The following ARFGEF2 variants were observed in gnomAD, a reference collection of about 807,000 sequenced individuals.
The protein encoded by ARFGEF2 is brefeldin A-inhibited guanine nucleotide-exchange protein 2.
Under a neutral mutation model 219.9 loss-of-function variants are expected in ARFGEF2, and 74 were observed. The ratio of observed to expected loss-of-function variants is 0.34; its 90% CI spans 0.28 to 0.41. The LOEUF is 0.41. ARFGEF2 is among the 10% of genes least tolerant of loss of function. The pLI, the probability that ARFGEF2 is intolerant of heterozygous loss-of-function variation, is 1.00. For missense variants in ARFGEF2, 1,743 were observed against 2,218.3 expected (o/e 0.79, Z 4.30); for synonymous variants, 733 against 799.2 (o/e 0.92, Z 1.40).
At chr20:48,936,210 G>A (rs1415423197) in intron 1 of ARFGEF2, among the ~76,000 whole-genome samples, 5 of 125,618 alleles carry the variant, frequency 4.0e-5, no homozygotes, top group African/African-American at 1.1e-4. Flanking sequence ...GGGCAGAGGC[G>A]CCCCTCACCT....
rs6125507 is a variant in ARFGEF2 at position 48,971,774 on chromosome 20, G to A, written c.1425+420G>A. Among the ~76,000 whole-genome samples the A allele has an allele frequency of 9.1e-4, 138 of 152,134 alleles. No homozygotes were observed. In the East Asian group the frequency reaches 0.016, roughly 18 times the overall value. The stretch of plus-strand genomic sequence containing the variant: ...AAATTAGCCAGGCGTGGTGGCAGGC[G>A]CCTGTAGTCCCAGCTACTCGGGAGG... On this transcript the variant is annotated intron_variant, in intron 10 of 38. Coordinates refer to ENST00000371917, the MANE Select transcript of ARFGEF2 (RefSeq NM_006420.3).
intron 25 of ARFGEF2, among the ~76,000 whole-genome samples, chr20:48,999,605 G>A (rs34929358): frequency 0.093 from 14,186 of 152,038 alleles, 914 homozygotes; most frequent in Non-Finnish European, 0.14. Context: ...AGTTTAGCCC[G>A]GCGTGGTGGC....
In ARFGEF2 at chr20:48,987,083, G is replaced by A. The variant is rs530617459; in HGVS notation, c.2277-1221G>A. Among the ~76,000 whole-genome samples the A allele has an allele frequency of 1.2e-3, 178 of 152,246 alleles. 1 individual carries two copies. The highest frequency in any genetic ancestry group is 0.011 in the South Asian group (53 of 4,816). On this transcript the variant is annotated intron_variant, in intron 16 of 38. Coordinates refer to ENST00000371917, the MANE Select transcript of ARFGEF2 (RefSeq NM_006420.3). ...TTGCTCCCAGTCTTCCAAGTGTATG[G>A]CAGGCTGTCCCCAGGAGGTGGCAGG... is the stretch of plus-strand genomic sequence containing the variant.
At chr20:48,981,620 A>G (rs1382732357) in intron 14 of ARFGEF2, among the ~76,000 whole-genome samples, 5 of 152,328 alleles carry the variant, frequency 3.3e-5, no homozygotes, top group East Asian at 3.9e-4. Flanking sequence ...AGGCATACCA[A>G]TCAAACGTAG....
At chr20:48,950,863 C>G (rs1315929895) in intron 3 of ARFGEF2, among the ~76,000 whole-genome samples, 6 of 123,436 alleles carry the variant, frequency 4.9e-5, no homozygotes, top group African/African-American at 1.8e-4. Context: ...TATATACATG[C>G]ACACACACAC....
intron 1 of ARFGEF2, among the ~76,000 whole-genome samples, chr20:48,923,701 G>A (rs939113400): frequency 1.3e-5 from 2 of 152,162 alleles, no homozygotes; most frequent in Non-Finnish European, 2.9e-5. Flanking sequence ...ATATTGTTGT[G>A]GAGGTTTCAG....
chr20:48,989,799 T>C lies in ARFGEF2; in HGVS notation c.2814+115T>C, dbSNP rs567640384. The C allele has an allele frequency of 4.8e-6, 7 of 1,471,390 alleles. No homozygotes were observed. The African/African-American group carries it at 9.7e-5, about 20-fold the overall frequency. 91.1% of individuals were successfully genotyped at this position (1,471,390 alleles called of 1,614,324 possible). A position where few individuals can be genotyped will look rare whatever the true frequency, so the allele number is the denominator to read the frequency against. ...TTAATCAAGACTCTTAGCAAGCTAC[T>C]TACTTATGCCTACTGACAAGAAATC... is the stretch of plus-strand genomic sequence containing the variant. On this transcript the variant is annotated intron_variant, in intron 20 of 38. Coordinates refer to ENST00000371917, the MANE Select transcript of ARFGEF2 (RefSeq NM_006420.3).
intron 1 of ARFGEF2, 142 bp downstream of exon 1, chr20:48,922,152 A>G (rs2090846316): frequency 1.6e-5 from 21 of 1,319,712 alleles, no homozygotes; most frequent in South Asian, 8.9e-5. Flanking sequence ...TCCTCATTAT[A>G]CCCCCGGAGG....
chr20:49,026,317 G>A (rs1468178017), intron 36 of ARFGEF2, among the ~76,000 whole-genome samples: 1 of 151,862 alleles, frequency 6.6e-6, no homozygotes, highest in Non-Finnish European at 1.5e-5. Context: ...GTGACAGGGG[G>A]AGACCTTGTC....
chr20:48,981,694 T>C (rs1178647607), intron 14 of ARFGEF2, among the ~76,000 whole-genome samples: 1 of 152,218 alleles, frequency 6.6e-6, no homozygotes, highest in African/African-American at 2.4e-5. Flanking sequence ...TTATTCTTTT[T>C]TCTGTAAACT....
At chr20:49,032,876 A>G in intron 38 of ARFGEF2, 147 bp from the exon 39 acceptor site, 1 of 811,832 alleles carries the variant, frequency 1.2e-6, no homozygotes, top group Non-Finnish European at 2.0e-6. Context: ...TATAGGCGTG[A>G]ATCACTGCGC....
chr20:48,931,717 G>A (rs1418806326), intron 1 of ARFGEF2, among the ~76,000 whole-genome samples: 22 of 152,112 alleles, frequency 1.4e-4, no homozygotes, highest in Admixed American at 1.4e-3. Context: ...TCATGCAAAG[G>A]CCCCGGGGCA....
At chr20:49,031,615 T>C (rs2091635066) in intron 37 of ARFGEF2, among the ~76,000 whole-genome samples, 1 of 152,020 alleles carries the variant, frequency 6.6e-6, no homozygotes, top group South Asian at 2.1e-4. Flanking sequence ...GGGTGCTCAA[T>C]AGTTATTGCA....
intron 13 of ARFGEF2, among the ~76,000 whole-genome samples, chr20:48,975,081 A>G (rs1042555996): frequency 1.3e-5 from 2 of 152,246 alleles, no homozygotes; most frequent in African/African-American, 4.8e-5. Flanking sequence ...ATACAGAGCC[A>G]GTTGCTCTAG....
chr20:49,015,924 T>C (rs1266726540), intron 30 of ARFGEF2, among the ~76,000 whole-genome samples: 1 of 152,254 alleles, frequency 6.6e-6, no homozygotes, highest in Non-Finnish European at 1.5e-5. Flanking sequence ...TATTGATTTA[T>C]GCATTTTTAA....
At chr20:49,007,077 G>T (rs1047076773) in intron 26 of ARFGEF2, among the ~76,000 whole-genome samples, 4 of 152,122 alleles carry the variant, frequency 2.6e-5, no homozygotes, top group African/African-American at 9.7e-5. Flanking sequence ...TTAGGATGAG[G>T]TAGGAGGCCA....
At chr20:48,973,359 G>T in intron 12 of ARFGEF2, 75 bp downstream of exon 12, 1 of 1,479,224 alleles carries the variant, frequency 6.8e-7, no homozygotes, top group Non-Finnish European at 9.3e-7. Flanking sequence ...GCCACCACAT[G>T]CCAGGCACTG....
rs575920715 is a variant in ARFGEF2 at position 48,935,520 on chromosome 20, G to A, written c.122-5679G>A. Among the ~76,000 whole-genome samples the A allele has an allele frequency of 7.3e-4, 111 of 152,210 alleles. 1 individual carries two copies. The highest frequency in any genetic ancestry group is 2.9e-3 in the South Asian group (14 of 4,820). ...TTCTACACAGACACGGCAACCATCC[G>A]ATTTCTCAATCTTTTCCCCACCTTT... On this transcript the variant is annotated intron_variant, in intron 1 of 38. Transcript: ENST00000371917.
chr20:48,921,983 C>G lies in ARFGEF2; in HGVS notation c.94C>G (p.Leu32Val). 1 of 1,579,748 alleles carries G rather than the reference C, an allele frequency of 6.3e-7. No individual in the cohort carries two copies. Among genetic ancestry groups the G allele is most frequent in the Non-Finnish European group, 8.6e-7 (1 of 1,163,158 alleles). ...KEVKRPQHSQ[L>V]RRACQVALDE... is the part of the protein sequence containing the mutation. ...GGTGAAGCGGCCCCAGCACTCCCAG[C>G]TGCGCAGGGCCTGCCAGGTGGCGCT... The change falls in exon 1 of 39, where the codon CTG becomes GTG. Residue 32 changes from leucine (L) to valine (V), a missense_variant. Physicochemically the swap from Leu to Val is conservative, Grantham distance 32. Coordinates refer to ENST00000371917, the MANE Select transcript of ARFGEF2 (RefSeq NM_006420.3).
Sources: allele counts gnomAD v4.1 joint callset (sites outside exome capture counted in the v4.1 genomes callset), GRCh38; gene constraint gnomAD v4.1.1; transcripts MANE v1.5; gene names NCBI Gene and HGNC (gene_info 2026-07-23, HGNC 2026-07-21).